The following PPARG variants were observed in gnomAD, a reference collection of about 807,000 sequenced individuals.
PPARG encodes the protein peroxisome proliferator-activated receptor gamma.
A neutral mutation model predicts 39.2 loss-of-function variants in PPARG; 17 were observed. The ratio of observed to expected loss-of-function variants is 0.43; its 90% confidence interval spans 0.30 to 0.65. PPARG has a LOEUF of 0.65. PPARG is among the 30% of genes least tolerant of loss of function. The pLI, the probability that PPARG is intolerant of heterozygous loss-of-function variation, is 0.13. For missense variants in PPARG, 406 were observed against 585.9 expected, an observed-to-expected ratio of 0.69 and a Z score of 3.17; for synonymous variants, 223 against 215.7, an observed-to-expected ratio of 1.03 and a Z score of -0.30.
At chr3:12,361,705 C>A (rs998341208) in intron 2 of PPARG, among the ~76,000 whole-genome samples, 1 of 152,172 alleles carries the variant, frequency 6.6e-6, no homozygotes, top group African/African-American at 2.4e-5. Flanking sequence ...ATTTTTGCAC[C>A]AATTAAGATT....
chr3:12,339,279 A>G (rs866587276), intron 2 of PPARG, among the ~76,000 whole-genome samples: 6 of 152,232 alleles, frequency 3.9e-5, no homozygotes, highest in South Asian at 2.1e-4. Context: ...GCAGAAAAGT[A>G]TAATAGATTA....
At chr3:12,334,397 A>G (rs1378214891) in intron 2 of PPARG, among the ~76,000 whole-genome samples, 2 of 151,554 alleles carry the variant, frequency 1.3e-5, no homozygotes, top group African/African-American at 4.8e-5. Flanking sequence ...TGCCCAACCA[A>G]TTTTTATATT....
chr3:12,379,805 A>AT lies in PPARG; in HGVS notation c.95dup (p.Lys33GlnfsTer7), dbSNP rs751351168. 6.2e-7 allele frequency: 1 copy of AT among 1,614,028 alleles called. No individual in the cohort carries two copies. Among genetic ancestry groups the AT allele is most frequent in the Non-Finnish European group, 8.5e-7 (1 of 1,179,934 alleles). On this transcript the variant is annotated frameshift_variant, in exon 3 of 8. Transcript: ENST00000651735. LOFTEE classifies it high-confidence loss of function. ...GGAAGACCACTCCCACTCCTTTGATATCAAGCCCTTCACTACTGTTGACTT... is the reference window on the plus strand; with the variant it reads ...GGAAGACCACTCCCACTCCTTTGATATTCAAGCCCTTCACTACTGTTGACTT...
intron 6 of PPARG, among the ~76,000 whole-genome samples, chr3:12,407,648 G>GT (rs1300141102): frequency 6.6e-6 from 1 of 152,114 alleles, no homozygotes; most frequent in African/African-American, 2.4e-5. Flanking sequence ...ATAGATATGT[G>GT]TAACTTTTCC....
intron 4 of PPARG, among the ~76,000 whole-genome samples, chr3:12,388,721 C>T (rs2049967256): frequency 1.3e-5 from 2 of 151,972 alleles, no homozygotes; most frequent in Admixed American, 1.3e-4. Flanking sequence ...CTGGGGAAAG[C>T]AGAAATTGGG....
intron 2 of PPARG, among the ~76,000 whole-genome samples, chr3:12,358,837 T>C (rs2048746734): frequency 6.6e-6 from 1 of 152,230 alleles, no homozygotes; most frequent in Non-Finnish European, 1.5e-5. Flanking sequence ...ATATGCCATA[T>C]ACAAAATCTC....
intron 5 of PPARG, among the ~76,000 whole-genome samples, chr3:12,403,292 CA>C (rs35403303): frequency 0.055 from 7,420 of 136,056 alleles, 247 homozygotes; most frequent in Middle Eastern, 0.09. Flanking sequence ...GACCCTGTCT[CA>C]AAAAAAAAAA....
chr3:12,372,118 A>G, intron 2 of PPARG: 1 of 720,548 alleles, frequency 1.4e-6, no homozygotes, highest in African/African-American at 1.7e-5. Context: ...TCAGGCACGT[A>G]CTCTTGTTGC....
At chr3:12,433,224 A>C (rs1233623937) in intron 7 of PPARG, among the ~76,000 whole-genome samples, 1 of 152,230 alleles carries the variant, frequency 6.6e-6, no homozygotes, top group African/African-American at 2.4e-5. Context: ...TAGATTCATC[A>C]GGAAGGAGCA....
intron 6 of PPARG, chr3:12,406,643 G>A (rs4135344): frequency 0.027 from 4,227 of 154,498 alleles, 126 homozygotes; most frequent in African/African-American, 0.075. Context: ...AGGTTAAAGC[G>A]ATTATCATGC....
chr3:12,412,506 AATT>A (rs2050911448), intron 6 of PPARG, among the ~76,000 whole-genome samples: 1 of 152,344 alleles, frequency 6.6e-6, no homozygotes, highest in African/African-American at 2.4e-5. Flanking sequence ...TATCAAAATT[AATT>A]ATATTTGATG....
rs1206758246 is a variant in PPARG at position 12,404,321 on chromosome 3, T to A, written c.530-1561T>A. ...GGAGGCCCCTACCAAACAATAGTTG[T>A]ATTAGTCAGCGATAAAATTTATTTA... is the stretch of plus-strand genomic sequence containing the variant. On this transcript the variant is annotated intron_variant, in intron 5 of 7. Transcript: ENST00000651735. Among the ~76,000 whole-genome samples the A allele has an allele frequency of 3.3e-5, 5 of 152,200 alleles. No individual in the cohort carries two copies. The East Asian group carries it at 9.6e-4, about 29-fold the overall frequency.
At chr3:12,387,785 C>T (rs919114737) in intron 4 of PPARG, among the ~76,000 whole-genome samples, 6 of 152,188 alleles carry the variant, frequency 3.9e-5, no homozygotes, top group Non-Finnish European at 8.8e-5. Context: ...GACATGAAGT[C>T]TTTGCCCATG....
chr3:12,315,774 A>G (rs1385917800), intron 2 of PPARG, among the ~76,000 whole-genome samples: 1 of 152,184 alleles, frequency 6.6e-6, no homozygotes, highest in African/African-American at 2.4e-5. Context: ...GTGAGTGGGA[A>G]TAACTCCACA....
intron 2 of PPARG, among the ~76,000 whole-genome samples, chr3:12,325,056 G>C (rs1032862521): frequency 1.3e-5 from 2 of 152,174 alleles, no homozygotes; most frequent in Admixed American, 6.6e-5. Flanking sequence ...GGAGGCTGAG[G>C]CGGGCGGATC....
intron 2 of PPARG, among the ~76,000 whole-genome samples, chr3:12,348,558 G>A (rs1016377483): frequency 1.3e-5 from 2 of 152,186 alleles, no homozygotes; most frequent in Non-Finnish European, 2.9e-5. Flanking sequence ...TGCTGAGGAT[G>A]TGGTGGTGTA....
At chr3:12,429,863 A>G (rs6794024) in intron 7 of PPARG, among the ~76,000 whole-genome samples, 34,159 of 152,164 alleles carry the variant, frequency 0.22, 4,425 homozygotes, top group African/African-American at 0.34. Context: ...CAGGGGCCCA[A>G]TTCTCCAGGC....
At chr3:12,338,409 G>T (rs28684849) in intron 2 of PPARG, among the ~76,000 whole-genome samples, 41,205 of 151,842 alleles carry the variant, frequency 0.27, 5,664 homozygotes, top group East Asian at 0.33. Flanking sequence ...TTACTATATA[G>T]ATATCTCTCT....
At chr3:12,287,810 GCCCCCGCCCCCACCCCCA>G (rs1270934359), upstream of PPARG, 291 of 43,018 alleles carry the variant, frequency 6.8e-3, no homozygotes, top group African/African-American at 0.022. Context: ...CCCCGCCCCC[GCCCCCGCCCCCACCCCCA>G]CCCCCACCCC....
Sources: allele counts gnomAD v4.1 joint callset (sites outside exome capture counted in the v4.1 genomes callset), GRCh38; gene constraint gnomAD v4.1.1; transcripts MANE v1.5; gene names NCBI Gene and HGNC (gene_info 2026-07-23, HGNC 2026-07-21).